Variants in GLYATL3 observed in about 807,000 individuals in gnomAD.
GLYATL3 encodes glycine-N-acyltransferase like 3.
A neutral mutation model predicts 28.5 loss-of-function variants in GLYATL3; 31 were observed. The observed-to-expected ratio is 1.09, with a 90% CI of 0.82 to 1.47. The LOEUF is 1.47. Ranked by LOEUF, GLYATL3 falls within the 40% of genes most tolerant of loss-of-function variation. The pLI, the probability that GLYATL3 is intolerant of heterozygous loss-of-function variation, is 0.00. For synonymous variants in GLYATL3, 141 were observed against 140.2 expected (o/e 1.01, Z -0.04); for missense variants, 369 against 351.5 (o/e 1.05, Z -0.40).
intron 1 of GLYATL3, among the ~76,000 whole-genome samples, chr6:49,508,123 C>T (rs368702150): frequency 5.9e-5 from 9 of 151,870 alleles, no homozygotes; most frequent in East Asian, 3.9e-4. Flanking sequence ...GGTGAAACCC[C>T]GTCTCTACTA....
At position 49,521,649 on chromosome 6, in the gene GLYATL3, G is replaced by T. The variant is rs1225202613; in HGVS notation, c.318G>T (p.Leu106=). 6.4e-7 allele frequency: 1 copy of T among 1,550,756 alleles called. No homozygotes were observed. The highest frequency in any genetic ancestry group is 1.7e-4 in the Middle Eastern group (1 of 5,988). The part of the protein sequence containing the change: ...NWDQVFQIQG[L]QSELYDVSKA... ...ATTATGTCTTTCTATACACAGGGCTGCAGAGTGAGTTATATGATGTTTCCA... is the reference window on the plus strand; with the variant it reads ...ATTATGTCTTTCTATACACAGGGCTTCAGAGTGAGTTATATGATGTTTCCA... Residue 106 remains leucine, a synonymous_variant, in exon 5 of 6, where the codon CTG becomes CTT. Coordinates refer to ENST00000371197, the MANE Select transcript of GLYATL3 (RefSeq NM_001010904.2).
At chr6:49,517,875 T>C (rs1769245814) in intron 4 of GLYATL3, among the ~76,000 whole-genome samples, 1 of 152,218 alleles carries the variant, frequency 6.6e-6, no homozygotes, top group Non-Finnish European at 1.5e-5. Flanking sequence ...AATCAGAGAA[T>C]ATTTTTCCTT....
chr6:49,518,205 T>C (rs934155748), intron 4 of GLYATL3, among the ~76,000 whole-genome samples: 4 of 152,248 alleles, frequency 2.6e-5, no homozygotes, highest in East Asian at 1.9e-4. Flanking sequence ...GTTGTTGTTG[T>C]TGAGACAGGA....
At chr6:49,506,243 C>T (rs866976228) in intron 1 of GLYATL3, among the ~76,000 whole-genome samples, 19 of 152,142 alleles carry the variant, frequency 1.2e-4, no homozygotes, top group Middle Eastern at 3.2e-3. Context: ...GCATTGGCAA[C>T]AGCTAATTTT....
rs547949519 is a variant in GLYATL3 at position 49,517,500 on chromosome 6, G to A, written c.257G>A (p.Arg86Gln). 37 of 1,550,796 alleles carry A rather than the reference G, an allele frequency of 2.4e-5. No individual in the cohort carries two copies. The South Asian group carries it at 2.6e-4, about 11-fold the overall frequency. ...TTCTACAAGGATGTCAGGGCTTATCGACAGCTATTGGAAGAATGTGATGTT... is the reference window on the plus strand; with the variant it reads ...TTCTACAAGGATGTCAGGGCTTATCAACAGCTATTGGAAGAATGTGATGTT... ...AVFYKDVRAY[R>Q]QLLEECDVFN... is the part of the protein sequence containing the mutation. The change falls in exon 4 of 6, where the codon CGA (arginine) becomes CAA (glutamine). Residue 86 changes from arginine (R) to glutamine (Q), a missense_variant. Transcript: ENST00000371197.
At chr6:49,515,948 CCT>C (rs1424352805) in intron 3 of GLYATL3, among the ~76,000 whole-genome samples, 188 bp downstream of exon 3, 41 of 135,628 alleles carry the variant, frequency 3.0e-4, no homozygotes, top group Admixed American at 3.0e-4. Context: ...TCTCTCCCTC[CCT>C]CTCTCTCTCT....
Position 49,526,182 on chromosome 6 carries a change from G to A in GLYATL3, c.441-306G>A, listed in dbSNP as rs949372763. 2.0e-5 allele frequency among the ~76,000 whole-genome samples: 3 copies of A among 152,080 alleles called. No individual in the cohort carries two copies. In the South Asian group the frequency reaches 6.2e-4, roughly 31 times the overall value. ...TATAATCTCAGCTCTTTGGGAGGCC[G>A]GGAGGGGTGAATCACGAGGTCAGGA... is the stretch of plus-strand genomic sequence containing the variant. On this transcript the variant is annotated intron_variant, in intron 5 of 5. Transcript: ENST00000371197.
rs1307959201 is a variant in GLYATL3, at chr6:49,517,570, C to T, written c.313+14C>T. ...TTCAAATACAAGGTGAGGTCAAGTG[C>T]AAGACTTATATTACACAGTCTTTTT... is the stretch of plus-strand genomic sequence containing the variant. On this transcript the variant is annotated intron_variant, in intron 4 of 5. Coordinates refer to ENST00000371197, the MANE Select transcript of GLYATL3 (RefSeq NM_001010904.2). 7 of 1,543,960 alleles carry T rather than the reference C, an allele frequency of 4.5e-6. No individual in the cohort carries two copies. Among genetic ancestry groups the T allele is most frequent in the Non-Finnish European group, 6.1e-6 (7 of 1,142,428 alleles).
chr6:49,502,318 A>G (rs1361740962), intron 1 of GLYATL3, among the ~76,000 whole-genome samples: 2 of 152,226 alleles, frequency 1.3e-5, no homozygotes, highest in Non-Finnish European at 2.9e-5. Flanking sequence ...GAGATTAGAT[A>G]ACCCCTCAGA....
intron 1 of GLYATL3, among the ~76,000 whole-genome samples, chr6:49,509,986 CTTT>C (rs1561976865): frequency 2.5e-5 from 3 of 119,586 alleles, no homozygotes; most frequent in Non-Finnish European, 5.7e-5. Context: ...TTCTTTCTTT[CTTT>C]CTTTCTTTCT....
chr6:49,521,156 A>G (rs147455443), intron 4 of GLYATL3, among the ~76,000 whole-genome samples: 1 of 152,282 alleles, frequency 6.6e-6, no homozygotes, highest in Non-Finnish European at 1.5e-5. Context: ...GGGTGAGGTA[A>G]GTTCAGGGTA....
intron 1 of GLYATL3, among the ~76,000 whole-genome samples, chr6:49,501,761 T>A (rs138844360): frequency 6.6e-6 from 1 of 152,166 alleles, no homozygotes; most frequent in Non-Finnish European, 1.5e-5. Flanking sequence ...AGGAAATATG[T>A]CTTAACCCTA....
rs1260682666 is a variant in GLYATL3 at position 49,521,901 on chromosome 6, G to A, written c.440+130G>A. ...TGGATTTCAACCATTGAGCACAAACGGGAGTATGTGTGTGAGTGTGTGTGT... is the reference window on the plus strand; with the variant it reads ...TGGATTTCAACCATTGAGCACAAACAGGAGTATGTGTGTGAGTGTGTGTGT... On this transcript the variant is annotated intron_variant, in intron 5 of 5. Coordinates refer to ENST00000371197, the MANE Select transcript of GLYATL3 (RefSeq NM_001010904.2). 7.7e-5 allele frequency: 57 copies of A among 739,826 alleles called. No homozygotes were observed. In the South Asian group the frequency reaches 9.3e-4, roughly 12 times the overall value. The allele number at this position is 739,826 out of a possible 1,614,324, so 45.8% of individuals were successfully genotyped here. A position where few individuals can be genotyped will look rare whatever the true frequency, so the allele number is the denominator to read the frequency against.
rs114076249 is a variant in GLYATL3 at position 49,523,356 on chromosome 6, C to T, written c.440+1585C>T. On this transcript the variant is annotated intron_variant, in intron 5 of 5. Transcript: ENST00000371197. Reference sequence around the variant, plus strand: ...TACAGGCATGAGCCACCGTGCTCTGCTAAAAGTTGTCTACCACGGAAACTT... The same window carrying T: ...TACAGGCATGAGCCACCGTGCTCTGTTAAAAGTTGTCTACCACGGAAACTT... 8.8e-3 allele frequency among the ~76,000 whole-genome samples: 1,340 copies of T among 152,322 alleles called. 24 individuals carry two copies. Among genetic ancestry groups the T allele is most frequent in the African/African-American group, 0.031 (1,286 of 41,560 alleles).
chr6:49,516,001 C>A lies in GLYATL3; in HGVS notation c.186+241C>A, dbSNP rs111950190. On this transcript the variant is annotated intron_variant, in intron 3 of 5. Transcript: ENST00000371197. ...CCAGACTAGAGTGCAGTGGCATGATCTCAGCTCATTGTAATCTCCACTTCC... is the reference window on the plus strand; with the variant it reads ...CCAGACTAGAGTGCAGTGGCATGATATCAGCTCATTGTAATCTCCACTTCC... Among the ~76,000 whole-genome samples the A allele has an allele frequency of 5.1e-3, 708 of 140,100 alleles. 4 individuals carry two copies. Among genetic ancestry groups the A allele is most frequent in the African/African-American group, 0.018 (684 of 38,578 alleles). 91.9% of individuals were successfully genotyped at this position (140,100 alleles called of 152,430 possible).
At chr6:49,514,874 C>G (rs1023812832) in intron 2 of GLYATL3, among the ~76,000 whole-genome samples, 5 of 151,784 alleles carry the variant, frequency 3.3e-5, no homozygotes, top group South Asian at 4.2e-4. Flanking sequence ...AACACTCCAG[C>G]CTGGATGACA....
chr6:49,513,915 G>A (rs1162214393), intron 2 of GLYATL3, among the ~76,000 whole-genome samples: 1 of 152,128 alleles, frequency 6.6e-6, no homozygotes, highest in African/African-American at 2.4e-5. Flanking sequence ...GGCCAGCAAG[G>A]TCCCCTTTCT....
chr6:49,509,954 CTTTCTTTCTTT>C (rs1561976826), intron 1 of GLYATL3, among the ~76,000 whole-genome samples: 930 of 58,228 alleles, frequency 0.016, 11 homozygotes, highest in African/African-American at 0.032. Context: ...CTTTCTCTTT[CTTTCTTTCTTT>C]CTTTCTTTCT....
chr6:49,510,887 G>A (rs1286074232), intron 1 of GLYATL3, among the ~76,000 whole-genome samples: 3 of 152,202 alleles, frequency 2.0e-5, no homozygotes, highest in Non-Finnish European at 4.4e-5. Context: ...AGAGGTTCAG[G>A]CTCACATAAA....
Sources: gnomAD v4.1 joint callset for allele counts (sites outside exome capture counted in the v4.1 genomes callset) on GRCh38, gnomAD v4.1.1 for gene constraint, MANE v1.5 for transcripts, NCBI Gene and HGNC (gene_info 2026-07-23, HGNC 2026-07-21) for gene names.